Variants in PPIL2 observed in about 807,000 individuals in gnomAD.
PPIL2 encodes peptidylprolyl isomerase like 2.
PPIL2 carries 50 observed loss-of-function variants against 75.2 expected under a neutral mutation model. The observed-to-expected ratio is 0.66, with a 90% CI of 0.53 to 0.84. The LOEUF is 0.84. Among genes scored for constraint, PPIL2 ranks in the 40% least tolerant of loss-of-function variants. The pLI is 0.00. For missense variants in PPIL2, 590 were observed against 685.0 expected (o/e 0.86, Z 1.55); for synonymous variants, 245 against 258.8 (o/e 0.95, Z 0.51).
intron 9 of PPIL2, 48 bp from the exon 10 acceptor site, chr22:21,684,705 G>A (rs1300176304): frequency 6.2e-7 from 1 of 1,602,314 alleles, no homozygotes; most frequent in East Asian, 2.2e-5. Context: ...CGTGTGTGGG[G>A]AGGCTACTGG....
intron 6 of PPIL2, among the ~76,000 whole-genome samples, chr22:21,679,780 T>C (rs79391351): frequency 6.6e-6 from 1 of 150,926 alleles, no homozygotes; most frequent in Non-Finnish European, 1.5e-5. Flanking sequence ...CAAATCAGGA[T>C]TTTTTTTAAG....
At position 21,687,733 on chromosome 22, in the gene PPIL2, G is replaced by A. The variant is rs2148555241; in HGVS notation, c.987+1G>A. On this transcript the variant is annotated splice_donor_variant, in intron 13 of 19. Coordinates refer to ENST00000398831, the MANE Select transcript of PPIL2 (RefSeq NM_014337.4). LOFTEE classifies it high-confidence loss of function. ...CCACAGATCCATCCGGAACTTTGTG[G>A]TGAGTGACGAGAGTCACTGGCTGCA... The A allele has an allele frequency of 6.2e-7, 1 of 1,611,998 alleles. No individual in the cohort carries two copies. Among genetic ancestry groups the A allele is most frequent in the African/African-American group, 1.3e-5 (1 of 74,992 alleles).
At chr22:21,698,694 T>TGAC (rs2068029787), downstream of PPIL2, 1 of 152,354 alleles carries the variant, frequency 6.6e-6, no homozygotes. Context: ...TCAAGACAAT[T>TGAC]GACTGAAGCC....
At chr22:21,678,815 C>G (rs1601535969) in intron 6 of PPIL2, among the ~76,000 whole-genome samples, 1 of 152,222 alleles carries the variant, frequency 6.6e-6, no homozygotes, top group African/African-American at 2.4e-5. Context: ...TTGCTTCGAC[C>G]TTCCAGGACC....
intron 7 of PPIL2, 146 bp downstream of exon 7, chr22:21,681,536 A>G: frequency 1.4e-6 from 1 of 716,414 alleles, no homozygotes; most frequent in Non-Finnish European, 2.3e-6. Flanking sequence ...TCATCTAGCA[A>G]AGCTCTGGCA....
At chr22:21,691,642 T>TGCACTCCA (rs1194692115) in intron 15 of PPIL2, among the ~76,000 whole-genome samples, 53 of 151,496 alleles carry the variant, frequency 3.5e-4, no homozygotes, top group Admixed American at 3.4e-3. Context: ...ATCGCGCCAC[T>TGCACTCCA]GCACTCCAGC....
downstream of PPIL2, chr22:21,699,912 G>A (rs1355357384): frequency 3.9e-5 from 6 of 152,410 alleles, no homozygotes; most frequent in Admixed American, 2.0e-4. Context: ...ACCTCAGTAA[G>A]GGCACCTCTG....
At position 21,697,631 on chromosome 22, in the gene PPIL2, C is replaced by T. The variant is rs1486204375; in HGVS notation, c.*2141C>T. Reference sequence around the variant, plus strand: ...GCCAGAGGACAGGGGAAGCTGAAGGCCCCGTGCTTGAGCTCGGCAGTCCTG... The same window carrying T: ...GCCAGAGGACAGGGGAAGCTGAAGGTCCCGTGCTTGAGCTCGGCAGTCCTG... On this transcript the variant is annotated 3_prime_UTR_variant, in exon 20 of 20. Coordinates refer to ENST00000398831, the MANE Select transcript of PPIL2 (RefSeq NM_014337.4). The T allele has an allele frequency of 2.0e-5, 3 of 153,314 alleles. No individual in the cohort carries two copies. The highest frequency in any genetic ancestry group is 4.8e-5 in the African/African-American group (2 of 41,462). The allele number at this position is 153,314 out of a possible 1,614,324, so 9.5% of individuals were successfully genotyped here.
At chr22:21,680,300 G>A (rs893226207) in intron 6 of PPIL2, among the ~76,000 whole-genome samples, 1 of 152,184 alleles carries the variant, frequency 6.6e-6, no homozygotes, top group African/African-American at 2.4e-5. Flanking sequence ...GCTGAGGCAG[G>A]CAGATGACTT....
chr22:21,680,951 A>C (rs2067101652), intron 6 of PPIL2, among the ~76,000 whole-genome samples: 1 of 150,528 alleles, frequency 6.6e-6, no homozygotes, highest in African/African-American at 2.5e-5. Context: ...GGGTGAGAGG[A>C]GGTAGAGCTG....
At chr22:21,674,763 A>G (rs970291833) in intron 5 of PPIL2, among the ~76,000 whole-genome samples, 4 of 152,246 alleles carry the variant, frequency 2.6e-5, no homozygotes, top group Non-Finnish European at 5.9e-5. Flanking sequence ...TGTGCTCACC[A>G]TAAAGACGTC....
Position 21,696,188 on chromosome 22 carries a change from C to T in PPIL2, c.*698C>T, listed in dbSNP as rs1337689669. ...GGGGCTTCTGAAGGCTGGTGTTGGA[C>T]GGCAGCATTGAGTTTCCTGCCGTGC... On this transcript the variant is annotated 3_prime_UTR_variant, in exon 20 of 20. Transcript: ENST00000398831. 1.1e-5 allele frequency: 11 copies of T among 1,001,758 alleles called. No homozygotes were observed. Among genetic ancestry groups the T allele is most frequent in the African/African-American group, 1.7e-5 (1 of 57,374 alleles). The allele number at this position is 1,001,758 out of a possible 1,614,324, so 62.1% of individuals were successfully genotyped here.
chr22:21,669,357 C>T lies in PPIL2; in HGVS notation c.33-556C>T, dbSNP rs183401072. On this transcript the variant is annotated intron_variant, in intron 1 of 19. Coordinates refer to ENST00000398831, the MANE Select transcript of PPIL2 (RefSeq NM_014337.4). ...AGAGACAGATTCTCGCTTTGTTGCC[C>T]CAGCTGTTCTCCAACGCCTGGACTC... 1.2e-3 allele frequency: 555 copies of T among 452,096 alleles called. 3 individuals carry two copies. Among genetic ancestry groups the T allele is most frequent in the African/African-American group, 0.01 (507 of 49,866 alleles). The allele number at this position is 452,096 out of a possible 1,614,324, so 28.0% of individuals were successfully genotyped here.
At chr22:21,670,734 G>T in intron 3 of PPIL2, 123 bp downstream of exon 3, 1 of 1,126,524 alleles carries the variant, frequency 8.9e-7, no homozygotes, top group Non-Finnish European at 1.3e-6. Flanking sequence ...TGGCCCTTCA[G>T]TTCATGTTGG....
intron 6 of PPIL2, among the ~76,000 whole-genome samples, chr22:21,678,475 C>T (rs1030619960): frequency 1.3e-5 from 2 of 152,242 alleles, no homozygotes; most frequent in Non-Finnish European, 2.9e-5. Context: ...AAGTGATCCA[C>T]CTGCCTCAGC....
At chr22:21,677,105 C>A (rs563925163) in intron 6 of PPIL2, among the ~76,000 whole-genome samples, 13 of 151,740 alleles carry the variant, frequency 8.6e-5, no homozygotes, top group African/African-American at 2.4e-4. Context: ...GGGCGGCTGC[C>A]GGGCAGAGGG....
At chr22:21,687,165 C>T (rs1021603303) in intron 12 of PPIL2, among the ~76,000 whole-genome samples, 167 bp downstream of exon 12, 28 of 152,152 alleles carry the variant, frequency 1.8e-4, no homozygotes, top group South Asian at 2.1e-4. Context: ...TAGGGGGCCG[C>T]GTTGGCAGCA....
chr22:21,672,226 C>T (rs759244959), intron 4 of PPIL2, 104 bp from the exon 5 acceptor site: 2 of 972,286 alleles, frequency 2.1e-6, no homozygotes, highest in South Asian at 2.7e-5. Flanking sequence ...AGCAAGACCC[C>T]TTCACAGGCC....
At chr22:21,672,840 CTG>C (rs1247724468) in intron 5 of PPIL2, among the ~76,000 whole-genome samples, 1 of 152,156 alleles carries the variant, frequency 6.6e-6, no homozygotes, top group Non-Finnish European at 1.5e-5. Flanking sequence ...AGAGCTCAAA[CTG>C]TGCGAGACGG....
Sources: allele counts gnomAD v4.1 joint callset (sites outside exome capture counted in the v4.1 genomes callset), GRCh38; gene constraint gnomAD v4.1.1; transcripts MANE v1.5; gene names NCBI Gene and HGNC (gene_info 2026-07-23, HGNC 2026-07-21).